Variants in DACH1 observed in about 807,000 individuals in gnomAD.
DACH1 encodes the protein dachshund family transcription factor 1.
A neutral mutation model predicts 54.2 loss-of-function variants in DACH1; 12 were observed. The observed-to-expected ratio is 0.22, with a 90% CI of 0.14 to 0.36. The LOEUF is 0.36. Among genes scored for constraint, DACH1 ranks in the 10% least tolerant of loss-of-function variants. DACH1 has a pLI of 1.00. For missense variants in DACH1, 805 were observed against 929.8 expected (o/e 0.87, Z 1.75); for synonymous variants, 386 against 366.2 (o/e 1.05, Z -0.62).
intron 10 of DACH1, among the ~76,000 whole-genome samples, chr13:71,446,109 GC>G (rs1874440144): frequency 2.0e-5 from 3 of 152,054 alleles, no homozygotes; most frequent in Admixed American, 2.0e-4. Flanking sequence ...CATAGCTGAG[GC>G]CTCATTATTC....
intron 1 of DACH1, among the ~76,000 whole-genome samples, chr13:71,839,184 A>G (rs921624434): frequency 2.6e-5 from 4 of 152,200 alleles, no homozygotes; most frequent in Non-Finnish European, 5.9e-5. Context: ...TTAAAAGTTA[A>G]TATGTGGTTT....
At chr13:71,447,368 T>C (rs8001607) in intron 10 of DACH1, among the ~76,000 whole-genome samples, 140,944 of 152,172 alleles carry the variant, frequency 0.93, 66,106 homozygotes, top group East Asian at 1. Flanking sequence ...TTTGTATTCA[T>C]GGATTAAGTT....
At chr13:71,730,403 A>G (rs1220320298) in intron 1 of DACH1, among the ~76,000 whole-genome samples, 1 of 152,168 alleles carries the variant, frequency 6.6e-6, no homozygotes, top group Admixed American at 6.5e-5. Context: ...AAGCAATAAA[A>G]AGTTGTGTAA....
chr13:71,756,560 T>C (rs1293531799), intron 1 of DACH1, among the ~76,000 whole-genome samples: 1 of 151,982 alleles, frequency 6.6e-6, no homozygotes, highest in East Asian at 1.9e-4. Context: ...AGATACTGTG[T>C]TGAGTGGCAG....
chr13:71,466,571 G>A (rs1278194894), intron 10 of DACH1, among the ~76,000 whole-genome samples: 4 of 152,188 alleles, frequency 2.6e-5, no homozygotes, highest in Middle Eastern at 3.4e-3. Flanking sequence ...GGCAGGGTGC[G>A]GCGGCTCACG....
rs1415486368 is a variant in DACH1, at chr13:71,491,659, CACAA to C, written c.1571-2515_1571-2512del. ...AGTCAATACACAATTTTGAAAAGAA[CACAA>C]ACAAACTACTTGAAGATCAAACAAA... On this transcript the variant is annotated intron_variant, in intron 6 of 10. Coordinates refer to ENST00000613252, the MANE Select transcript of DACH1 (RefSeq NM_080759.6). Among the ~76,000 whole-genome samples, 17 of 152,208 alleles carry C rather than the reference CACAA, an allele frequency of 1.1e-4. No individual in the cohort carries two copies. The East Asian group carries it at 2.7e-3, about 24-fold the overall frequency.
intron 1 of DACH1, among the ~76,000 whole-genome samples, chr13:71,748,212 G>A (rs1019103605): frequency 9.2e-5 from 14 of 152,016 alleles, no homozygotes; most frequent in Non-Finnish European, 1.9e-4. Context: ...CAATGTTGAG[G>A]GGGGGAAAGC....
chr13:71,560,054 A>T (rs1225600553), intron 4 of DACH1, 99 bp from the exon 5 acceptor site: 1 of 1,300,746 alleles, frequency 7.7e-7, no homozygotes, highest in Admixed American at 3.3e-5. Context: ...TAAGAAATGT[A>T]AAGAGAATAA....
intron 1 of DACH1, among the ~76,000 whole-genome samples, chr13:71,782,765 T>C (rs1405907053): frequency 6.6e-6 from 1 of 152,160 alleles, no homozygotes; most frequent in African/African-American, 2.4e-5. Context: ...AATAAAATAC[T>C]TATTCATGAC....
At chr13:71,800,722 C>T (rs974339498) in intron 1 of DACH1, among the ~76,000 whole-genome samples, 3 of 151,980 alleles carry the variant, frequency 2.0e-5, no homozygotes, top group Admixed American at 1.3e-4. Context: ...AAAATGTAAG[C>T]CTGTTTTCTA....
chr13:71,864,458 T>C (rs1289937333), intron 1 of DACH1, among the ~76,000 whole-genome samples: 1 of 152,156 alleles, frequency 6.6e-6, no homozygotes, highest in African/African-American at 2.4e-5. Context: ...CTTGCTACAC[T>C]TCCTTTCCAC....
chr13:71,457,610 CA>C (rs1875694778), intron 10 of DACH1, among the ~76,000 whole-genome samples: 1 of 151,934 alleles, frequency 6.6e-6, no homozygotes, highest in Non-Finnish European at 1.5e-5. Context: ...TAACATGTTA[CA>C]AAATGTTTTA....
At chr13:71,745,946 G>A (rs780000023) in intron 1 of DACH1, among the ~76,000 whole-genome samples, 2 of 152,180 alleles carry the variant, frequency 1.3e-5, no homozygotes, top group African/African-American at 2.4e-5. Flanking sequence ...GCGGCCGGGC[G>A]CGGTGACCCA....
chr13:71,472,438 T>G (rs1035185635), intron 10 of DACH1, among the ~76,000 whole-genome samples: 1 of 152,168 alleles, frequency 6.6e-6, no homozygotes, highest in Non-Finnish European at 1.5e-5. Context: ...ACTCAAGCAG[T>G]AAGTATTTAA....
In DACH1 at chr13:71,724,935, A is replaced by T. The variant is rs114529806; in HGVS notation, c.849-43025T>A. 3.5e-3 allele frequency among the ~76,000 whole-genome samples: 537 copies of T among 152,186 alleles called. 1 individual carries two copies. Among genetic ancestry groups the T allele is most frequent in the African/African-American group, 0.012 (517 of 41,552 alleles). ...TGAATGTCAATCACAACTAACTATA[A>T]CTTTTGGGTTTGCAAAGGAACAAGC... On this transcript the variant is annotated intron_variant, in intron 1 of 10. Coordinates refer to ENST00000613252, the MANE Select transcript of DACH1 (RefSeq NM_080759.6).
intron 3 of DACH1, among the ~76,000 whole-genome samples, chr13:71,573,843 A>C (rs962358245): frequency 6.6e-6 from 1 of 152,182 alleles, no homozygotes; most frequent in South Asian, 2.1e-4. Context: ...TATCCAGCTT[A>C]ATATGAAATG....
At chr13:71,748,898 C>CTTTCTTTCTTTCCCTT (rs1368876638) in intron 1 of DACH1, among the ~76,000 whole-genome samples, 1 of 39,584 alleles carries the variant, frequency 2.5e-5, no homozygotes, top group African/African-American at 7.8e-5. Flanking sequence ...TTCTTTCTTT[C>CTTTCTTTCTTTCCCTT]TCTTTCTTTC....
intron 6 of DACH1, among the ~76,000 whole-genome samples, chr13:71,491,196 G>T (rs1278252427): frequency 6.6e-6 from 1 of 152,086 alleles, no homozygotes; most frequent in Non-Finnish European, 1.5e-5. Flanking sequence ...CAATGTGCTG[G>T]ATACTGGAGA....
chr13:71,609,504 C>T (rs1875141196), intron 3 of DACH1, among the ~76,000 whole-genome samples: 1 of 151,746 alleles, frequency 6.6e-6, no homozygotes, highest in African/African-American at 2.4e-5. Context: ...TTTTAGTAAA[C>T]ACAACTAGTT....
Sources: gnomAD v4.1 joint callset for allele counts (sites outside exome capture counted in the v4.1 genomes callset) on GRCh38, gnomAD v4.1.1 for gene constraint, MANE v1.5 for transcripts, NCBI Gene and HGNC (gene_info 2026-07-23, HGNC 2026-07-21) for gene names.